Variants in UPK3B observed in about 807,000 individuals in gnomAD.
UPK3B encodes the protein uroplakin-3b.
A neutral mutation model predicts 27.6 loss-of-function variants in UPK3B; 21 were observed. The ratio of observed to expected loss-of-function variants is 0.76; its 90% CI spans 0.54 to 1.10. The LOEUF is 1.10. Among genes scored for constraint, UPK3B ranks in the 50% least tolerant of loss-of-function variants. UPK3B has a pLI of 0.00. For missense variants in UPK3B, 306 were observed against 376.1 expected, an observed-to-expected ratio of 0.81 and a Z score of 1.54; for synonymous variants, 141 against 162.3, an observed-to-expected ratio of 0.87 and a Z score of 1.00.
chr7:76,514,672 G>A (rs1330974980), intron 5 of UPK3B, among the ~76,000 whole-genome samples: 19 of 152,112 alleles, frequency 1.2e-4, no homozygotes, highest in African/African-American at 4.3e-4. Flanking sequence ...TTGGGAGGCC[G>A]AGGTGGGAGG....
rs749765327 is a variant in UPK3B at position 76,510,684 on chromosome 7, G to C, written c.32G>C (p.Gly11Ala). The C allele has an allele frequency of 6.7e-7, 1 of 1,501,824 alleles. No homozygotes were observed. The highest frequency in any genetic ancestry group is 8.9e-7 in the Non-Finnish European group (1 of 1,123,114). 93.0% of individuals were successfully genotyped at this position (1,501,824 alleles called of 1,614,324 possible). Residue 11 changes from glycine (G) to alanine (A), a missense_variant, in exon 1 of 6, where the codon GGG becomes GCG. Gly to Ala is a moderately conservative substitution (Grantham distance 60). Around this residue, in one of 4 missense-constraint regions of UPK3B, gnomAD observed 33 missense variants for 30.9 expected, o/e 1.07. Transcript: ENST00000334348. The part of the protein sequence containing the change: MGLPWGQPHL[G>A]LQMLLLALNC... ...CTACCCTGGGGGCAGCCTCACCTAG[G>C]GCTGCAGATGCTCCTCCTGGCGTTG...
At chr7:76,514,328 G>A (rs1420972937) in intron 5 of UPK3B, among the ~76,000 whole-genome samples, 3 of 152,094 alleles carry the variant, frequency 2.0e-5, no homozygotes, top group Non-Finnish European at 2.9e-5. Flanking sequence ...GCTGGGCAGC[G>A]CCCCTCCCAG....
At chr7:76,513,035 C>A in intron 3 of UPK3B, 49 bp from the exon 4 acceptor site, 3 of 1,542,022 alleles carry the variant, frequency 1.9e-6, no homozygotes, top group Non-Finnish European at 8.9e-7. Context: ...CCAGGGTGGT[C>A]CCAGCCTCTG....
rs774089705 is a variant in UPK3B, at chr7:76,515,229, G to A, written c.*25G>A. On this transcript the variant is annotated 3_prime_UTR_variant, in exon 6 of 6. Coordinates refer to ENST00000334348, the MANE Select transcript of UPK3B (RefSeq NM_001347684.2). ...GCCTGGCCTCTTTGCATGGGGCTGGGGGAGATGGGGCGCTGGGAGTGAGTG... is the reference window on the plus strand; with the variant it reads ...GCCTGGCCTCTTTGCATGGGGCTGGAGGAGATGGGGCGCTGGGAGTGAGTG... 3 of 1,585,814 alleles carry A rather than the reference G, an allele frequency of 1.9e-6. No individual in the cohort carries two copies. The highest frequency in any genetic ancestry group is 2.6e-6 in the Non-Finnish European group (3 of 1,165,988).
rs1457837945 is a variant in UPK3B, at chr7:76,516,376, G to T, written c.*1172G>T. ...TGCCCGCTGCACTCTGTCCACGGCCGCTGCACACGCCCCCTTGGGCTGCGC... is the reference window on the plus strand; with the variant it reads ...TGCCCGCTGCACTCTGTCCACGGCCTCTGCACACGCCCCCTTGGGCTGCGC... On this transcript the variant is annotated 3_prime_UTR_variant, in exon 6 of 6. Transcript: ENST00000334348. 3.7e-4 allele frequency: 226 copies of T among 612,424 alleles called. 82 individuals are homozygous for T. The highest frequency in any genetic ancestry group is 4.2e-4 in the Non-Finnish European group (223 of 530,086). 37.9% of individuals were successfully genotyped at this position (612,424 alleles called of 1,614,324 possible).
chr7:76,510,577 G>T lies in UPK3B; in HGVS notation c.-76G>T. 7.5e-7 allele frequency: 1 copy of T among 1,328,268 alleles called. No homozygotes were observed. The highest frequency in any genetic ancestry group is 9.8e-7 in the Non-Finnish European group (1 of 1,022,704). 82.3% of individuals were successfully genotyped at this position (1,328,268 alleles called of 1,614,324 possible). On this transcript the variant is annotated 5_prime_UTR_variant, in exon 1 of 6. Coordinates refer to ENST00000334348, the MANE Select transcript of UPK3B (RefSeq NM_001347684.2). Reference sequence around the variant, plus strand: ...AGCCTGATTAACCAGCTTCTCCAGGGCCAAGCTGTTGGGGGTGAGGTGCAG... The same window carrying T: ...AGCCTGATTAACCAGCTTCTCCAGGTCCAAGCTGTTGGGGGTGAGGTGCAG...
chr7:76,510,726 G>A lies in UPK3B; in HGVS notation c.74G>A (p.Ser25Asn). 1 of 1,522,640 alleles carries A rather than the reference G, an allele frequency of 6.6e-7. No homozygotes were observed. The highest frequency in any genetic ancestry group is 8.8e-7 in the Non-Finnish European group (1 of 1,133,642). The allele number at this position is 1,522,640 out of a possible 1,614,324, so 94.3% of individuals were successfully genotyped here. Residue 25 changes from serine (S) to asparagine (N), a missense_variant, in exon 1 of 6, where the codon AGC (serine) becomes AAC (asparagine). This residue lies in a region of UPK3B where 33 missense variants were observed against 30.9 expected (regional missense o/e 1.07). Transcript: ENST00000334348. ...CTGGCGTTGAACTGTCTCCGGCCCA[G>A]CCTGAGCCTGGGTGAGTGGGGGTCC... The part of the protein sequence containing the change: ...LLLALNCLRP[S>N]LSLELVPYTP...
At chr7:76,510,869 T>C (rs12666503) in intron 1 of UPK3B, 34 bp from the exon 2 acceptor site, 309,529 of 1,592,964 alleles carry the variant, frequency 0.19, 24,262 homozygotes, top group East Asian at 0.39. Context: ...CACGCCCGTC[T>C]CCGTGGCTCA....
chr7:76,511,964 G>C, intron 3 of UPK3B, 82 bp downstream of exon 3: 1 of 507,414 alleles, frequency 2.0e-6, no homozygotes, highest in East Asian at 3.6e-5. Context: ...GCTCTCTCTA[G>C]CATCTTTCCA....
rs138522855 is a variant in UPK3B at position 76,511,013 on chromosome 7, G to A, written c.196G>A (p.Ala66Thr). Residue 66 changes from alanine (A) to threonine (T), a missense_variant, in exon 2 of 6, where the codon GCC becomes ACC. By Grantham distance (58) the Ala-to-Thr change is moderately conservative (BLOSUM62 0). This residue lies in a region of UPK3B where 21 missense variants were observed against 58.4 expected (regional missense o/e 0.36). Coordinates refer to ENST00000334348, the MANE Select transcript of UPK3B (RefSeq NM_001347684.2). ...PRCVFDGLAS[A>T]SDTVWLVVAF... ...CTGTGTCTTCGATGGGCTTGCCAGC[G>A]CCAGCGATACCGTCTGGCTCGTGGT... 1.9e-3 allele frequency: 2,959 copies of A among 1,597,864 alleles called. 5 individuals carry two copies. Among genetic ancestry groups the A allele is most frequent in the Non-Finnish European group, 2.3e-3 (2,661 of 1,173,278 alleles).
chr7:76,510,774 C>T (rs774140743), intron 1 of UPK3B, 37 bp downstream of exon 1: 1 of 1,578,068 alleles, frequency 6.3e-7, no homozygotes. Flanking sequence ...TCCAGCCAGA[C>T]CCAAGGGGCT....
chr7:76,511,400 G>A (rs1812526883), intron 2 of UPK3B: 1 of 917,466 alleles, frequency 1.1e-6, no homozygotes. Context: ...GCACTGCAAT[G>A]GGGCTGGGGC....
Position 76,516,216 on chromosome 7 carries a change from G to A in UPK3B, c.*1012G>A. 4.9e-6 allele frequency: 3 copies of A among 611,848 alleles called. 1 individual carries two copies. The highest frequency in any genetic ancestry group is 5.7e-6 in the Non-Finnish European group (3 of 529,922). 37.9% of individuals were successfully genotyped at this position (611,848 alleles called of 1,614,324 possible). A position where few individuals can be genotyped will look rare whatever the true frequency, so the allele number is the denominator to read the frequency against. On this transcript the variant is annotated 3_prime_UTR_variant, in exon 6 of 6. Transcript: ENST00000334348. ...TAGCAGATGCCACGTTGGCGGGGTC[G>A]GTGAAGGTCAGGACTCTAGGCCTCC... is the stretch of plus-strand genomic sequence containing the variant.
Position 76,510,712 on chromosome 7 carries a change from C to T in UPK3B, c.60C>T (p.Asn20=). ...TGCAGATGCTCCTCCTGGCGTTGAACTGTCTCCGGCCCAGCCTGAGCCTGG... is the reference window on the plus strand; with the variant it reads ...TGCAGATGCTCCTCCTGGCGTTGAATTGTCTCCGGCCCAGCCTGAGCCTGG... ...LGLQMLLLAL[N]CLRPSLSLEL... is the part of the protein sequence containing the mutation. The change falls in exon 1 of 6, where the codon AAC becomes AAT. Residue 20 remains asparagine, a synonymous_variant. Transcript: ENST00000334348. The T allele has an allele frequency of 1.3e-6, 2 of 1,508,562 alleles. No individual in the cohort carries two copies. The highest frequency in any genetic ancestry group is 1.8e-6 in the Non-Finnish European group (2 of 1,126,656). 93.4% of individuals were successfully genotyped at this position (1,508,562 alleles called of 1,614,324 possible).
At chr7:76,513,875 G>A (rs1812627324) in intron 4 of UPK3B, 72 bp from the exon 5 acceptor site, 6 of 1,602,634 alleles carry the variant, frequency 3.7e-6, no homozygotes, top group Non-Finnish European at 5.1e-6. Context: ...GGTGGGGAGG[G>A]AGCGAGGGAG....
chr7:76,511,770 G>A lies in UPK3B; in HGVS notation c.349G>A (p.Gly117Ser), dbSNP rs1812539508. 5.0e-6 allele frequency: 8 copies of A among 1,605,904 alleles called. No homozygotes were observed. The South Asian group carries it at 7.8e-5, about 16-fold the overall frequency. Reference sequence around the variant, plus strand: ...CCTGTCTCCGGACCAGCTGCCCTGTGGCGACCCCATGGCGGGCAGCGGAGG... The same window carrying A: ...CCTGTCTCCGGACCAGCTGCCCTGTAGCGACCCCATGGCGGGCAGCGGAGG... ...LPLSPDQLPCGDPMAGSGGAP... is the reference protein window; with the variant it reads ...LPLSPDQLPCSDPMAGSGGAP... Residue 117 changes from glycine (G) to serine (S), a missense_variant, in exon 3 of 6, where the codon GGC becomes AGC. Gly to Ser is a moderately conservative substitution (Grantham distance 56). This residue lies in a region of UPK3B where 78 missense variants were observed against 120.2 expected (regional missense o/e 0.65). Coordinates refer to ENST00000334348, the MANE Select transcript of UPK3B (RefSeq NM_001347684.2).
At chr7:76,513,866 G>A in intron 4 of UPK3B, 81 bp from the exon 5 acceptor site, 1 of 1,597,132 alleles carries the variant, frequency 6.3e-7, no homozygotes, top group Non-Finnish European at 8.5e-7. Flanking sequence ...GCCAGCGTGG[G>A]TGGGGAGGGA....
rs767321748 is a variant in UPK3B, at chr7:76,511,775, C to T, written c.354C>T (p.Asp118=). 6.2e-7 allele frequency: 1 copy of T among 1,601,428 alleles called. No individual in the cohort carries two copies. Among genetic ancestry groups the T allele is most frequent in the Non-Finnish European group, 8.5e-7 (1 of 1,174,228 alleles). ...PLSPDQLPCG[D]PMAGSGGAPV... is the part of the protein sequence containing the mutation. ...CTCCGGACCAGCTGCCCTGTGGCGACCCCATGGCGGGCAGCGGAGGCGCCC... is the reference window on the plus strand; with the variant it reads ...CTCCGGACCAGCTGCCCTGTGGCGATCCCATGGCGGGCAGCGGAGGCGCCC... Residue 118 remains aspartate, a synonymous_variant, in exon 3 of 6, where the codon GAC becomes GAT. Coordinates refer to ENST00000334348, the MANE Select transcript of UPK3B (RefSeq NM_001347684.2).
Position 76,513,103 on chromosome 7 carries a change from G to T in UPK3B, c.481G>T (p.Asp161Tyr). ...GPYRVKFLLMDTRGSPRAETK... is the reference protein window; with the variant it reads ...GPYRVKFLLMYTRGSPRAETK... ...CCCCAGGGTGAAGTTCCTCCTGATGGACACCAGGGGCTCACCCAGGGCTGA... is the reference window on the plus strand; with the variant it reads ...CCCCAGGGTGAAGTTCCTCCTGATGTACACCAGGGGCTCACCCAGGGCTGA... Residue 161 changes from aspartate to tyrosine, a missense_variant, in exon 4 of 6, where the codon GAC becomes TAC. By Grantham distance (160) the Asp-to-Tyr change is radical. Transcript: ENST00000334348. The T allele has an allele frequency of 6.2e-7, 1 of 1,613,700 alleles. No individual in the cohort carries two copies. The highest frequency in any genetic ancestry group is 8.5e-7 in the Non-Finnish European group (1 of 1,179,858).
Sources: allele counts gnomAD v4.1 joint callset (sites outside exome capture counted in the v4.1 genomes callset), GRCh38; gene constraint gnomAD v4.1.1; regional missense constraint gnomAD v4.1.1; transcripts MANE v1.5; gene names NCBI Gene and HGNC (gene_info 2026-07-23, HGNC 2026-07-21).